RDH12: variants seen among roughly 807,000 people sequenced by gnomAD.
RDH12 encodes the protein retinol dehydrogenase 12, also known as all-trans and 9-cis retinol dehydrogenase.
Under a neutral mutation model 34.0 loss-of-function variants are expected in RDH12, and 21 were observed. The observed-to-expected ratio is 0.62, with a 90% confidence interval of 0.44 to 0.89. The LOEUF is 0.89. Among genes scored for constraint, RDH12 ranks in the 40% least tolerant of loss-of-function variants. The pLI is 0.00. For synonymous variants in RDH12, 198 were observed against 169.9 expected (o/e 1.17, Z -1.29); for missense variants, 394 against 398.6 (o/e 0.99, Z 0.10).
chr14:67,715,214 T>TAA (rs140951303), intron 1 of RDH12: 130,715 of 149,826 alleles, frequency 0.87, 57,166 homozygotes, highest in South Asian at 0.92. Context: ...TAATAGCCGT[T>TAA]AAAAAATAAA....
At chr14:67,705,897 C>A (rs1005201979) in intron 1 of RDH12, 1 of 151,902 alleles carries the variant, frequency 6.6e-6, no homozygotes, top group Non-Finnish European at 1.5e-5. Context: ...AAGTATACAG[C>A]CAAAAATATA....
intron 3 of RDH12, 79 bp downstream of exon 3, chr14:67,722,789 A>T (rs2038140164): frequency 8.3e-7 from 1 of 1,198,618 alleles, no homozygotes; most frequent in Non-Finnish European, 1.2e-6. Flanking sequence ...CTGAAAGAAG[A>T]GAAAGGGAAG....
intron 5 of RDH12, 51 bp downstream of exon 5, chr14:67,725,305 G>T: frequency 1.9e-6 from 3 of 1,587,854 alleles, no homozygotes; most frequent in Non-Finnish European, 2.6e-6. Context: ...TATGGGAGTG[G>T]CTGCTCCACC....
chr14:67,731,061 A>G (rs1044531762), intron 8 of RDH12, among the ~76,000 whole-genome samples: 3 of 152,214 alleles, frequency 2.0e-5, no homozygotes, highest in Non-Finnish European at 4.4e-5. Context: ...TAAAGTACAT[A>G]TTTATTAACT....
chr14:67,727,285 G>A, intron 7 of RDH12, 95 bp downstream of exon 7: 1 of 874,494 alleles, frequency 1.1e-6, no homozygotes, highest in Non-Finnish European at 1.8e-6. Flanking sequence ...ACATGCACGT[G>A]TCAGTAATAT....
intron 4 of RDH12, 42 bp downstream of exon 4, chr14:67,724,633 A>C: frequency 7.0e-7 from 1 of 1,418,446 alleles, no homozygotes; most frequent in Non-Finnish European, 1.0e-6. Flanking sequence ...CATGCCTCCC[A>C]CCCTTCTTCC....
At chr14:67,732,734 A>G (rs748951650) in intron 8 of RDH12, among the ~76,000 whole-genome samples, 11 of 151,822 alleles carry the variant, frequency 7.2e-5, no homozygotes, top group Admixed American at 1.3e-4. Flanking sequence ...CCACCACCAC[A>G]CCCGGCTAAT....
chr14:67,714,270 G>C (rs1453084395), intron 1 of RDH12, among the ~76,000 whole-genome samples: 1 of 152,020 alleles, frequency 6.6e-6, no homozygotes, highest in Non-Finnish European at 1.5e-5. Flanking sequence ...TGAGTAGCAG[G>C]GACTGTAGGA....
chr14:67,722,280 A>T (rs1178834380), intron 2 of RDH12, 144 bp from the exon 3 acceptor site: 1 of 368,846 alleles, frequency 2.7e-6, no homozygotes, highest in Non-Finnish European at 5.2e-6. Context: ...TAGAGGTGGC[A>T]GTGGTTGGGA....
At chr14:67,719,301 T>C (rs1189731650) in intron 1 of RDH12, among the ~76,000 whole-genome samples, 1 of 152,166 alleles carries the variant, frequency 6.6e-6, no homozygotes, top group Non-Finnish European at 1.5e-5. Context: ...AATTAATAAA[T>C]ACATAGTTTG....
intron 1 of RDH12, among the ~76,000 whole-genome samples, chr14:67,707,172 G>C (rs1239848661): frequency 1.3e-5 from 2 of 152,030 alleles, no homozygotes; most frequent in Non-Finnish European, 2.9e-5. Context: ...AGGAAAAATG[G>C]GGAAAAAAGA....
chr14:67,714,104 G>A (rs898377747), intron 1 of RDH12, among the ~76,000 whole-genome samples: 1 of 152,100 alleles, frequency 6.6e-6, no homozygotes, highest in Non-Finnish European at 1.5e-5. Context: ...TAAAAAAATT[G>A]TAATTTCCTA....
At chr14:67,732,020 A>G (rs950872094) in intron 8 of RDH12, among the ~76,000 whole-genome samples, 4 of 151,236 alleles carry the variant, frequency 2.6e-5, no homozygotes, top group African/African-American at 9.7e-5. Flanking sequence ...CCAGCCACTC[A>G]GGAGGCTGAG....
chr14:67,702,528 A>G (rs916607006), intron 1 of RDH12, among the ~76,000 whole-genome samples: 3 of 152,228 alleles, frequency 2.0e-5, no homozygotes, highest in Non-Finnish European at 4.4e-5. Flanking sequence ...ATATTTAATA[A>G]GACAAGTATA....
chr14:67,706,420 T>A (rs1030573400), intron 1 of RDH12, among the ~76,000 whole-genome samples: 26 of 152,304 alleles, frequency 1.7e-4, no homozygotes, highest in African/African-American at 6.3e-4. Context: ...ACAACATATG[T>A]CCAAGGTGGT....
intron 8 of RDH12, chr14:67,729,907 A>G (rs2038246791): frequency 2.3e-6 from 1 of 436,306 alleles, no homozygotes. Flanking sequence ...AGGGAAGCCC[A>G]GGGTGAAATC....
chr14:67,729,451 A>G (rs2038238879), intron 8 of RDH12, 71 bp downstream of exon 8: 2 of 1,473,968 alleles, frequency 1.4e-6, no homozygotes, highest in Non-Finnish European at 1.9e-6. Context: ...TGGGCTGTTC[A>G]TCCTGAGAAG....
intron 1 of RDH12, among the ~76,000 whole-genome samples, chr14:67,713,984 T>C (rs1406508839): frequency 2.0e-5 from 3 of 152,186 alleles, no homozygotes; most frequent in Non-Finnish European, 4.4e-5. Context: ...TGACTTTGAA[T>C]AGAATGGGAG....
chr14:67,707,725 T>G (rs991723016), intron 1 of RDH12, among the ~76,000 whole-genome samples: 2 of 152,236 alleles, frequency 1.3e-5, no homozygotes, highest in Non-Finnish European at 1.5e-5. Context: ...CAGATAAGAC[T>G]TCTTTAAAGC....
Sources: allele counts gnomAD v4.1 joint callset (sites outside exome capture counted in the v4.1 genomes callset), GRCh38; gene constraint gnomAD v4.1.1; transcripts MANE v1.5; gene names NCBI Gene and HGNC (gene_info 2026-07-23, HGNC 2026-07-21).